The following PRKG1 variants were observed in gnomAD, a reference collection of about 807,000 sequenced individuals.
PRKG1 encodes the protein protein kinase cGMP-dependent 1, also known as cGMP-dependent protein kinase 1.
A neutral mutation model predicts 88.1 loss-of-function variants in PRKG1; 35 were observed. That is an observed-to-expected ratio of 0.40 (90% confidence interval 0.30 to 0.53). PRKG1 has a LOEUF of 0.53. Among genes scored for constraint, PRKG1 ranks in the 20% least tolerant of loss-of-function variants. The pLI, the probability that PRKG1 is intolerant of heterozygous loss-of-function variation, is 0.59. For missense variants in PRKG1, 540 were observed against 839.8 expected (o/e 0.64, Z 4.41); for synonymous variants, 303 against 292.5 (o/e 1.04, Z -0.37).
At chr10:51,393,028 G>T (rs1476151286) in intron 2 of PRKG1, among the ~76,000 whole-genome samples, 1 of 150,960 alleles carries the variant, frequency 6.6e-6, no homozygotes, top group Non-Finnish European at 1.5e-5. Context: ...CAGACGGGGT[G>T]GTTGCCGGGC....
intron 7 of PRKG1, among the ~76,000 whole-genome samples, chr10:52,092,081 TGG>T (rs1246270873): frequency 1.2e-3 from 186 of 152,308 alleles, no homozygotes; most frequent in African/African-American, 4.2e-3. Flanking sequence ...ATTTAACTTG[TGG>T]TTCCTATATT....
intron 2 of PRKG1, among the ~76,000 whole-genome samples, chr10:51,162,683 A>T (rs558463012): frequency 6.6e-6 from 1 of 152,298 alleles, no homozygotes; most frequent in African/African-American, 2.4e-5. Flanking sequence ...GTTATTCATA[A>T]GAATATATAG....
chr10:51,151,758 GTTTTTA>G (rs1333138001), intron 1 of PRKG1, among the ~76,000 whole-genome samples: 1 of 151,764 alleles, frequency 6.6e-6, no homozygotes, highest in Non-Finnish European at 1.5e-5. Flanking sequence ...AATTTCAATT[GTTTTTA>G]TTTTTATGTG....
intron 2 of PRKG1, among the ~76,000 whole-genome samples, chr10:51,442,016 C>T (rs567072408): frequency 4.0e-5 from 6 of 151,546 alleles, no homozygotes; most frequent in South Asian, 2.1e-4. Flanking sequence ...TTAAGTTATC[C>T]GGAGTTATTT....
chr10:51,934,483 A>G (rs1564715456), intron 5 of PRKG1, among the ~76,000 whole-genome samples: 1 of 152,222 alleles, frequency 6.6e-6, no homozygotes, highest in Non-Finnish European at 1.5e-5. Context: ...AAGTTGCTCT[A>G]CAGTAACCAA....
At chr10:51,680,363 C>T (rs1332092931) in intron 3 of PRKG1, among the ~76,000 whole-genome samples, 3 of 152,244 alleles carry the variant, frequency 2.0e-5, no homozygotes, top group Non-Finnish European at 2.9e-5. Flanking sequence ...GGCCCACTCC[C>T]GCCCTGTGGG....
chr10:52,125,833 A>G (rs922237364), intron 7 of PRKG1: 1 of 152,078 alleles, frequency 6.6e-6, no homozygotes, highest in African/African-American at 2.4e-5. Context: ...TGAAAGAAGC[A>G]CTTTAAGGCT....
chr10:51,456,205 C>A (rs1239894885), intron 2 of PRKG1, among the ~76,000 whole-genome samples: 1 of 152,128 alleles, frequency 6.6e-6, no homozygotes, highest in African/African-American at 2.4e-5. Context: ...AAGACTTATT[C>A]ACTACCGGGA....
At chr10:52,251,198 C>G (rs1474240905) in intron 9 of PRKG1, among the ~76,000 whole-genome samples, 1 of 151,924 alleles carries the variant, frequency 6.6e-6, no homozygotes, top group Non-Finnish European at 1.5e-5. Context: ...AAAACAAAAC[C>G]AAGCAAAACC....
intron 1 of PRKG1, among the ~76,000 whole-genome samples, chr10:51,062,152 A>T (rs527987926): frequency 6.6e-6 from 1 of 152,276 alleles, no homozygotes; most frequent in East Asian, 1.9e-4. Flanking sequence ...CCAATTATAG[A>T]TTGAACAGAT....
At chr10:51,260,386 C>T (rs12245444) in intron 2 of PRKG1, among the ~76,000 whole-genome samples, 19,107 of 151,942 alleles carry the variant, frequency 0.13, 1,770 homozygotes, top group African/African-American at 0.26. Flanking sequence ...TTTTAGCATG[C>T]ATGTTTTACT....
chr10:51,785,488 C>G (rs1425493454), intron 3 of PRKG1, among the ~76,000 whole-genome samples: 1 of 152,090 alleles, frequency 6.6e-6, no homozygotes, highest in East Asian at 1.9e-4. Context: ...AAAACATATT[C>G]CTGGCTTTCT....
chr10:51,409,436 C>G (rs1356805242), intron 2 of PRKG1, among the ~76,000 whole-genome samples: 1 of 152,148 alleles, frequency 6.6e-6, no homozygotes, highest in Non-Finnish European at 1.5e-5. Flanking sequence ...TGCGCACAAC[C>G]CGCTTTATGG....
intron 2 of PRKG1, among the ~76,000 whole-genome samples, chr10:51,239,599 A>AC (rs762330737): frequency 3.3e-5 from 5 of 152,086 alleles, no homozygotes; most frequent in Admixed American, 6.6e-5. Context: ...ACCTCGGCGC[A>AC]CCCCCCTCAA....
intron 4 of PRKG1, among the ~76,000 whole-genome samples, chr10:51,837,784 G>T (rs911844865): frequency 6.6e-6 from 1 of 152,164 alleles, no homozygotes; most frequent in Non-Finnish European, 1.5e-5. Context: ...ATAACCCAAT[G>T]CTTGGGCCCT....
chr10:51,516,587 A>T (rs1400276789), intron 3 of PRKG1, among the ~76,000 whole-genome samples: 1 of 152,166 alleles, frequency 6.6e-6, no homozygotes, highest in Non-Finnish European at 1.5e-5. Flanking sequence ...TCCTGTCGCT[A>T]TCACAGTGAC....
chr10:52,051,635 G>T (rs2133248946), intron 5 of PRKG1, among the ~76,000 whole-genome samples: 1 of 152,184 alleles, frequency 6.6e-6, no homozygotes, highest in East Asian at 1.9e-4. Context: ...TGTACCTTAG[G>T]TATGAGAGCC....
chr10:52,026,135 G>A (rs981223581), intron 5 of PRKG1, among the ~76,000 whole-genome samples: 3 of 151,864 alleles, frequency 2.0e-5, no homozygotes, highest in Admixed American at 6.6e-5. Context: ...CTAAAAGAGG[G>A]TGTTTTTTAT....
At chr10:52,097,173 C>T (rs927409550) in intron 7 of PRKG1, among the ~76,000 whole-genome samples, 4 of 152,112 alleles carry the variant, frequency 2.6e-5, no homozygotes, top group Non-Finnish European at 5.9e-5. Flanking sequence ...CCAGGGGTCC[C>T]TCCCACTCTA....
Sources: allele counts gnomAD v4.1 joint callset (sites outside exome capture counted in the v4.1 genomes callset), GRCh38; gene constraint gnomAD v4.1.1; transcripts MANE v1.5; gene names NCBI Gene and HGNC (gene_info 2026-07-23, HGNC 2026-07-21).